The following CCT7 variants were observed in gnomAD, a reference collection of about 807,000 sequenced individuals.
CCT7 encodes the protein T-complex protein 1 subunit eta.
In CCT7, 16 loss-of-function variants were observed where a neutral mutation model predicts 56.6. That is an observed-to-expected ratio of 0.28 (90% CI 0.19 to 0.43). The LOEUF (loss-of-function observed/expected upper bound fraction) is 0.43, where lower values mean the gene tolerates loss of function less well. Ranked by LOEUF, CCT7 falls within the 20% of genes least tolerant of loss-of-function variation. The probability of loss-of-function intolerance (pLI) is 1.00; values close to 1 mark genes in which losing one functional copy is unlikely to be tolerated. For missense variants in CCT7, 519 were observed against 685.6 expected (o/e 0.76, Z 2.71); for synonymous variants, 262 against 254.8 (o/e 1.03, Z -0.27).
At chr2:73,240,007 C>T (rs1687039309) in intron 2 of CCT7, 12 of 497,574 alleles carry the variant, frequency 2.4e-5, no homozygotes, top group Non-Finnish European at 3.9e-5. Flanking sequence ...AGCCTGTTGC[C>T]TCATAGGGAG....
Sources: allele counts gnomAD v4.1 joint callset, GRCh38; gene constraint gnomAD v4.1.1; transcripts MANE v1.5; gene names NCBI Gene and HGNC (gene_info 2026-07-23, HGNC 2026-07-21).